Variants in NXPE2 observed in about 807,000 individuals in gnomAD.
NXPE2 encodes neurexophilin and PC-esterase domain family member 2.
In NXPE2, 34 loss-of-function variants were observed where a neutral mutation model predicts 34.4. That is an observed-to-expected ratio of 0.99 (90% CI 0.75 to 1.31). The LOEUF (loss-of-function observed/expected upper bound fraction) is 1.31, where lower values mean the gene tolerates loss of function less well. NXPE2 is among the 40% of genes most tolerant of loss of function. The probability of loss-of-function intolerance (pLI) is 0.00; values close to 1 mark genes in which losing one functional copy is unlikely to be tolerated. For missense variants in NXPE2, 649 were observed against 672.5 expected (o/e 0.97, Z 0.39); for synonymous variants, 235 against 231.3 (o/e 1.02, Z -0.15).
At chr11:114,805,972 T>C in the NXPE2 span, among the ~76,000 whole-genome samples, 1 of 152,180 alleles carries the variant, frequency 6.6e-6, no homozygotes, top group Non-Finnish European at 1.5e-5. Context: ...CACCTCACAC[T>C]GCCGGGTACT....
chr11:114,755,360 T>C, the NXPE2 span, among the ~76,000 whole-genome samples: 12 of 152,198 alleles, frequency 7.9e-5, no homozygotes, highest in Admixed American at 2.0e-4. Context: ...TCCACTGATA[T>C]TTTTTCTTCT....
chr11:114,662,131 T>A, the NXPE2 span, among the ~76,000 whole-genome samples: 1 of 152,110 alleles, frequency 6.6e-6, no homozygotes, highest in African/African-American at 2.4e-5. Flanking sequence ...AAAGAGGCAC[T>A]GAAGAAGTAG....
chr11:114,770,885 T>C, the NXPE2 span, among the ~76,000 whole-genome samples: 1 of 152,200 alleles, frequency 6.6e-6, no homozygotes, highest in South Asian at 2.1e-4. Context: ...TAGGATCAAA[T>C]TGTAACTCTA....
the NXPE2 span, among the ~76,000 whole-genome samples, chr11:114,535,647 A>G: frequency 6.6e-6 from 1 of 152,214 alleles, no homozygotes. Context: ...TCTCGGATAA[A>G]ACAGACTTAA....
chr11:114,764,783 A>G, the NXPE2 span, among the ~76,000 whole-genome samples: 3 of 152,162 alleles, frequency 2.0e-5, no homozygotes, highest in Non-Finnish European at 4.4e-5. Context: ...AAATATCAGT[A>G]ACTTAAACCA....
At chr11:114,809,725 T>G in the NXPE2 span, among the ~76,000 whole-genome samples, 3 of 141,776 alleles carry the variant, frequency 2.1e-5, no homozygotes, top group Non-Finnish European at 4.6e-5. Context: ...TCCATGCTCA[T>G]GGGTAGGAAG....
chr11:114,485,166 T>TGTG, the NXPE2 span, among the ~76,000 whole-genome samples: 37 of 152,288 alleles, frequency 2.4e-4, no homozygotes, highest in Non-Finnish European at 2.6e-4. Flanking sequence ...ATCTCAAACA[T>TGTG]TTATACTTCC....
chr11:114,610,702 G>C, the NXPE2 span, among the ~76,000 whole-genome samples: 1 of 151,840 alleles, frequency 6.6e-6, no homozygotes, highest in East Asian at 1.9e-4. Flanking sequence ...GTTACCCGGT[G>C]GATAATACCT....
the NXPE2 span, among the ~76,000 whole-genome samples, chr11:114,474,467 T>G: frequency 6.6e-6 from 1 of 152,062 alleles, no homozygotes; most frequent in Non-Finnish European, 1.5e-5. Context: ...GGGAGGGTGG[T>G]GTTTAGAAGT....
the NXPE2 span, among the ~76,000 whole-genome samples, chr11:114,631,272 C>A: frequency 2.6e-5 from 4 of 151,808 alleles, no homozygotes; most frequent in African/African-American, 9.7e-5. Flanking sequence ...TGGAACCAAC[C>A]AAAATGTCCA....
intron 2 of NXPE2, among the ~76,000 whole-genome samples, chr11:114,682,592 A>C (rs1318142453): frequency 6.6e-6 from 1 of 152,206 alleles, no homozygotes; most frequent in Non-Finnish European, 1.5e-5. Context: ...CTTTAAAAGC[A>C]CATACAGGAA....
the NXPE2 span, among the ~76,000 whole-genome samples, chr11:114,811,437 C>A: frequency 1.3e-5 from 2 of 152,210 alleles, no homozygotes; most frequent in African/African-American, 4.8e-5. Flanking sequence ...TCTCCAATAG[C>A]CTCATCATTG....
the NXPE2 span, among the ~76,000 whole-genome samples, chr11:114,536,440 G>A: frequency 1.3e-5 from 2 of 152,164 alleles, no homozygotes; most frequent in African/African-American, 2.4e-5. Flanking sequence ...ATCAGAGCAG[G>A]ACTGAAGGAA....
chr11:114,605,753 C>T, the NXPE2 span, among the ~76,000 whole-genome samples: 1 of 151,790 alleles, frequency 6.6e-6, no homozygotes, highest in Non-Finnish European at 1.5e-5. Flanking sequence ...ATAAGTATTG[C>T]CCCTAGGGTA....
the NXPE2 span, among the ~76,000 whole-genome samples, chr11:114,724,844 CT>C: frequency 9.0e-3 from 1,097 of 121,442 alleles, 2 homozygotes; most frequent in African/African-American, 0.015. Context: ...GCTTCCATGG[CT>C]TTTTTTTTTT....
At chr11:114,615,622 T>C in the NXPE2 span, among the ~76,000 whole-genome samples, 20 of 149,718 alleles carry the variant, frequency 1.3e-4, 5 homozygotes, top group African/African-American at 4.8e-4. Context: ...CACTGGTACC[T>C]GGTGGATAAT....
chr11:114,626,351 C>G, the NXPE2 span, among the ~76,000 whole-genome samples: 3 of 152,230 alleles, frequency 2.0e-5, no homozygotes, highest in Admixed American at 6.5e-5. Context: ...ACTGCCTCCT[C>G]AAGTGGGTCC....
chr11:114,675,869 C>G (rs1345948940), upstream of NXPE2, among the ~76,000 whole-genome samples: 1 of 151,850 alleles, frequency 6.6e-6, no homozygotes, highest in African/African-American at 2.4e-5. Flanking sequence ...CTCTAGTAAT[C>G]AAAACAGCAT....
chr11:114,599,679 C>T, the NXPE2 span, among the ~76,000 whole-genome samples: 1 of 152,158 alleles, frequency 6.6e-6, no homozygotes, highest in African/African-American at 2.4e-5. Flanking sequence ...AGGTGTCTTA[C>T]ATGGCCAGAG....
Sources: allele counts gnomAD v4.1 joint callset (sites outside exome capture counted in the v4.1 genomes callset), GRCh38; gene constraint gnomAD v4.1.1; transcripts MANE v1.5; gene names NCBI Gene and HGNC (gene_info 2026-07-23, HGNC 2026-07-21).